LINGO2: variants seen among roughly 807,000 people sequenced by gnomAD.
The protein encoded by LINGO2 is leucine rich repeat and Ig domain containing 2.
A neutral mutation model predicts 30.6 loss-of-function variants in LINGO2; 14 were observed. That is an observed-to-expected ratio of 0.46 (90% CI 0.30 to 0.72). The LOEUF (loss-of-function observed/expected upper bound fraction) is 0.72, where lower values mean the gene tolerates loss of function less well. LINGO2 is among the 30% of genes least tolerant of loss of function. LINGO2 has a pLI of 0.07. For synonymous variants in LINGO2, 317 were observed against 288.5 expected, an observed-to-expected ratio of 1.10 and a Z score of -1.00; for missense variants, 729 against 751.7, an observed-to-expected ratio of 0.97 and a Z score of 0.35.
At chr9:28,890,415 G>T in the LINGO2 span, among the ~76,000 whole-genome samples, 1 of 152,024 alleles carries the variant, frequency 6.6e-6, no homozygotes, top group Non-Finnish European at 1.5e-5. Context: ...CACTGCCATG[G>T]AGACCTGATC....
At chr9:29,001,110 TGA>T in the LINGO2 span, among the ~76,000 whole-genome samples, 9 of 138,990 alleles carry the variant, frequency 6.5e-5, no homozygotes, top group Admixed American at 2.2e-4. Flanking sequence ...TGTGTGAACG[TGA>T]GAGAGAGAGA....
chr9:28,768,403 C>T, the LINGO2 span, among the ~76,000 whole-genome samples: 18 of 152,168 alleles, frequency 1.2e-4, no homozygotes, highest in African/African-American at 4.3e-4. Context: ...TCTTTGTAGT[C>T]TTTGATATAG....
intron 2 of LINGO2, among the ~76,000 whole-genome samples, chr9:28,375,299 C>A (rs80058846): frequency 0.018 from 2,761 of 152,274 alleles, 71 homozygotes; most frequent in African/African-American, 0.061. Context: ...GTATTATTCC[C>A]CGGTTCAGCC....
the LINGO2 span, among the ~76,000 whole-genome samples, chr9:29,159,756 G>A: frequency 6.6e-6 from 1 of 151,280 alleles, no homozygotes; most frequent in Non-Finnish European, 1.5e-5. Flanking sequence ...TACTCCGGAA[G>A]CAGAGACAAG....
In LINGO2 at chr9:28,619,338, C is replaced by T. The variant is rs148657040; in HGVS notation, c.-365+50862G>A. Among the ~76,000 whole-genome samples, 230 of 152,048 alleles carry T rather than the reference C, an allele frequency of 1.5e-3. No individual in the cohort carries two copies. The Middle Eastern group carries it at 0.031, about 20-fold the overall frequency. On this transcript the variant is annotated intron_variant, in intron 1 of 5. Coordinates refer to ENST00000379992, the Ensembl canonical transcript of LINGO2. ...CTGAAAATTATAAACTAGAAGGATT[C>T]GACAAAACAAAGAAGCAGTTTGGGA...
intron 1 of LINGO2, among the ~76,000 whole-genome samples, chr9:28,620,311 A>G (rs1477606558): frequency 1.3e-5 from 2 of 152,110 alleles, no homozygotes; most frequent in Non-Finnish European, 2.9e-5. Context: ...AAGCAGAGTT[A>G]AAGTAAGAGT....
At chr9:28,848,146 C>T in the LINGO2 span, among the ~76,000 whole-genome samples, 6 of 103,936 alleles carry the variant, frequency 5.8e-5, no homozygotes, top group South Asian at 1.8e-3. Context: ...CATATATATA[C>T]TATATATACG....
At chr9:29,000,915 T>C in the LINGO2 span, among the ~76,000 whole-genome samples, 13 of 152,004 alleles carry the variant, frequency 8.6e-5, no homozygotes, top group Admixed American at 8.5e-4. Flanking sequence ...TAAGTTATAC[T>C]TTGAACCATT....
At chr9:28,858,524 G>C in the LINGO2 span, among the ~76,000 whole-genome samples, 1 of 151,894 alleles carries the variant, frequency 6.6e-6, no homozygotes, top group Non-Finnish European at 1.5e-5. Context: ...TTATCTGCTA[G>C]TCACCAAAGG....
the LINGO2 span, among the ~76,000 whole-genome samples, chr9:29,104,921 G>C: frequency 6.6e-6 from 1 of 152,156 alleles, no homozygotes; most frequent in African/African-American, 2.4e-5. Context: ...ATAAAATGTT[G>C]TCTCAAAAGG....
At chr9:28,813,737 C>T in the LINGO2 span, among the ~76,000 whole-genome samples, 1 of 151,968 alleles carries the variant, frequency 6.6e-6, no homozygotes, top group Non-Finnish European at 1.5e-5. Flanking sequence ...AGGTAAGGTA[C>T]AAGTATAATA....
At chr9:28,796,513 C>A in the LINGO2 span, among the ~76,000 whole-genome samples, 2 of 151,710 alleles carry the variant, frequency 1.3e-5, no homozygotes, top group East Asian at 3.9e-4. Flanking sequence ...AATTTTATGA[C>A]GAAAATTAGC....
At chr9:28,430,109 C>CGTGCGCGTGTGT (rs1554720108) in intron 2 of LINGO2, among the ~76,000 whole-genome samples, 1 of 136,100 alleles carries the variant, frequency 7.3e-6, no homozygotes, top group Admixed American at 7.2e-5. Flanking sequence ...CGCGCGCGCG[C>CGTGCGCGTGTGT]GTGTGTGTGT....
chr9:28,330,418 GT>G (rs1825378503), intron 3 of LINGO2, among the ~76,000 whole-genome samples: 1 of 152,024 alleles, frequency 6.6e-6, no homozygotes. Flanking sequence ...CTCTCCACAA[GT>G]TTTCCTCATT....
chr9:28,625,332 C>A (rs536269933), intron 1 of LINGO2, among the ~76,000 whole-genome samples: 1 of 152,140 alleles, frequency 6.6e-6, no homozygotes, highest in Non-Finnish European at 1.5e-5. Flanking sequence ...ATTCTCTCTC[C>A]AAGCCATGTG....
intron 1 of LINGO2, among the ~76,000 whole-genome samples, chr9:28,571,475 C>A (rs1173077466): frequency 6.6e-6 from 1 of 151,962 alleles, no homozygotes; most frequent in African/African-American, 2.4e-5. Flanking sequence ...CCTCTTACAC[C>A]ACACTTCACA....
At chr9:27,976,529 T>C (rs531294428) in intron 5 of LINGO2, among the ~76,000 whole-genome samples, 197 of 152,180 alleles carry the variant, frequency 1.3e-3, no homozygotes, top group African/African-American at 4.6e-3. Context: ...CTGTGTATCA[T>C]AGCATTTACT....
chr9:28,925,459 C>T, the LINGO2 span, among the ~76,000 whole-genome samples: 4 of 152,132 alleles, frequency 2.6e-5, no homozygotes, highest in Admixed American at 6.6e-5. Context: ...AACACTGGGG[C>T]GTGGTGGTTT....
the LINGO2 span, among the ~76,000 whole-genome samples, chr9:29,075,826 C>G: frequency 6.6e-6 from 1 of 152,092 alleles, no homozygotes; most frequent in African/African-American, 2.4e-5. Flanking sequence ...ACATCAAAAT[C>G]TAATTAATGC....
Sources: allele counts gnomAD v4.1 joint callset (sites outside exome capture counted in the v4.1 genomes callset), GRCh38; gene constraint gnomAD v4.1.1; transcripts MANE v1.5; gene names NCBI Gene and HGNC (gene_info 2026-07-23, HGNC 2026-07-21).